Variants in INPP4B observed in about 807,000 individuals in gnomAD.
INPP4B encodes inositol polyphosphate-4-phosphatase type II B, also known as inositol polyphosphate 4-phosphatase type II.
Under a neutral mutation model 122.5 loss-of-function variants are expected in INPP4B, and 55 were observed. The observed-to-expected ratio is 0.45, with a 90% confidence interval of 0.36 to 0.56. The LOEUF is 0.56. Ranked by LOEUF, INPP4B falls within the 20% of genes least tolerant of loss-of-function variation. The pLI, the probability that INPP4B is intolerant of heterozygous loss-of-function variation, is 0.00. For synonymous variants in INPP4B, 403 were observed against 388.7 expected (o/e 1.04, Z -0.43); for missense variants, 1,000 against 1,097.7 (o/e 0.91, Z 1.26).
In INPP4B at chr4:142,200,223, C is replaced by T. The variant is rs558778764; in HGVS notation, c.1073-7028G>A. 1.4e-3 allele frequency among the ~76,000 whole-genome samples: 208 copies of T among 151,798 alleles called. 1 individual carries two copies. The highest frequency in any genetic ancestry group is 4.5e-3 in the African/African-American group (185 of 41,440). ...TTGTGCCAACTTTGTGTTTTGGGAGCGCCTTAAGGTTGGCTGTTGTGCCCT... is the reference window on the plus strand; with the variant it reads ...TTGTGCCAACTTTGTGTTTTGGGAGTGCCTTAAGGTTGGCTGTTGTGCCCT... On this transcript the variant is annotated intron_variant, in intron 14 of 25. Transcript: ENST00000262992.
At chr4:142,615,642 C>A (rs935027642) in intron 2 of INPP4B, among the ~76,000 whole-genome samples, 5 of 151,934 alleles carry the variant, frequency 3.3e-5, no homozygotes, top group African/African-American at 9.7e-5. Context: ...TTTATTAATG[C>A]GAGTCAGTTG....
intron 2 of INPP4B, among the ~76,000 whole-genome samples, chr4:142,558,844 T>TTCACC (rs1729838428): frequency 6.9e-6 from 1 of 144,034 alleles, no homozygotes; most frequent in Non-Finnish European, 1.5e-5. Flanking sequence ...TTTTTGAAGC[T>TTCACC]TCATCAGGAG....
chr4:142,216,568 A>G (rs1006475765), intron 12 of INPP4B, among the ~76,000 whole-genome samples: 1 of 152,322 alleles, frequency 6.6e-6, no homozygotes, highest in African/African-American at 2.4e-5. Context: ...ATTCATACAG[A>G]TCTCTGGAAA....
At chr4:142,746,492 T>A (rs917394588) in intron 1 of INPP4B, among the ~76,000 whole-genome samples, 1 of 152,104 alleles carries the variant, frequency 6.6e-6, no homozygotes, top group African/African-American at 2.4e-5. Context: ...AAGCTACCAA[T>A]GACTTTCTTC....
At chr4:142,222,455 A>T (rs962941052) in intron 12 of INPP4B, among the ~76,000 whole-genome samples, 1 of 152,174 alleles carries the variant, frequency 6.6e-6, no homozygotes, top group Non-Finnish European at 1.5e-5. Context: ...AAGCCTAGGC[A>T]CCCATAGTAT....
At chr4:142,614,212 ACT>A (rs1404793980) in intron 2 of INPP4B, among the ~76,000 whole-genome samples, 1 of 152,074 alleles carries the variant, frequency 6.6e-6, no homozygotes, top group Non-Finnish European at 1.5e-5. Flanking sequence ...ACAGAGCAAG[ACT>A]CTGTCTCAAA....
At chr4:142,376,295 A>G (rs995976999) in intron 7 of INPP4B, among the ~76,000 whole-genome samples, 1 of 151,984 alleles carries the variant, frequency 6.6e-6, no homozygotes, top group African/African-American at 2.4e-5. Context: ...ATCCTGGGAT[A>G]AGATCTCATG....
At chr4:142,438,825 A>T (rs1811095884) in intron 3 of INPP4B, among the ~76,000 whole-genome samples, 1 of 152,210 alleles carries the variant, frequency 6.6e-6, no homozygotes, top group Admixed American at 6.5e-5. Context: ...TAATTTTCAG[A>T]ATTTACAAGG....
At chr4:142,384,052 CA>C in intron 7 of INPP4B, 1 of 701,440 alleles carries the variant, frequency 1.4e-6, no homozygotes, top group South Asian at 1.5e-5. Context: ...CAAGTTGTCT[CA>C]AGTTGTCTCA....
chr4:142,321,125 A>T (rs762607106), intron 7 of INPP4B, among the ~76,000 whole-genome samples: 1 of 152,112 alleles, frequency 6.6e-6, no homozygotes, highest in Non-Finnish European at 1.5e-5. Context: ...CCACACCAAC[A>T]TCTATTATTT....
At chr4:142,841,648 C>T (rs529548973) in intron 1 of INPP4B, among the ~76,000 whole-genome samples, 3 of 151,992 alleles carry the variant, frequency 2.0e-5, no homozygotes, top group African/African-American at 7.2e-5. Context: ...AAAACTCACA[C>T]TCTCTTTTGA....
intron 1 of INPP4B, among the ~76,000 whole-genome samples, chr4:142,842,666 A>C (rs1783652799): frequency 7.5e-6 from 1 of 133,250 alleles, no homozygotes; most frequent in South Asian, 2.1e-4. Context: ...AATATATAAC[A>C]TAATATAATA....
rs1293047562 is a variant in INPP4B at position 142,061,883 on chromosome 4, CACATATATATATATATAT to C, written c.2642+20130_2642+20147del. ...ATATATGTACACACACACACACACA[CACATATATATATATATAT>C]ATATATATATATATATATATATATA... On this transcript the variant is annotated intron_variant, in intron 25 of 25. Transcript: ENST00000262992. 4.6e-3 allele frequency among the ~76,000 whole-genome samples: 54 copies of C among 11,614 alleles called. 1 individual carries two copies. Among genetic ancestry groups the C allele is most frequent in the Admixed American group, 7.6e-3 (5 of 662 alleles). 7.6% of individuals were successfully genotyped at this position (11,614 alleles called of 152,430 possible). A position where few individuals can be genotyped will look rare whatever the true frequency, so the allele number is the denominator to read the frequency against.
At chr4:142,656,990 C>T (rs1159066546) in intron 2 of INPP4B, among the ~76,000 whole-genome samples, 2 of 152,254 alleles carry the variant, frequency 1.3e-5, no homozygotes, top group South Asian at 4.1e-4. Flanking sequence ...GGGGGCATGG[C>T]CAGTAGCCAC....
chr4:142,173,144 C>A (rs1459903543), intron 16 of INPP4B, among the ~76,000 whole-genome samples: 1 of 151,782 alleles, frequency 6.6e-6, no homozygotes, highest in Non-Finnish European at 1.5e-5. Flanking sequence ...TGGAACCTCT[C>A]CTCGGTAAAT....
chr4:142,680,996 T>C (rs1207961695), intron 2 of INPP4B, among the ~76,000 whole-genome samples: 1 of 151,818 alleles, frequency 6.6e-6, no homozygotes, highest in Non-Finnish European at 1.5e-5. Flanking sequence ...TTCAATAAAT[T>C]CTCTTGAGGA....
At chr4:142,129,555 T>TAGG (rs1800255960) in intron 18 of INPP4B, among the ~76,000 whole-genome samples, 1 of 152,098 alleles carries the variant, frequency 6.6e-6, no homozygotes, top group Non-Finnish European at 1.5e-5. Flanking sequence ...CATCTGCCCA[T>TAGG]AGGAGGCCTC....
At chr4:142,186,950 T>C (rs550471856) in intron 15 of INPP4B, among the ~76,000 whole-genome samples, 15 of 152,264 alleles carry the variant, frequency 9.9e-5, no homozygotes, top group African/African-American at 2.9e-4. Flanking sequence ...TGGTGTTATA[T>C]ACAAGGAGTT....
At chr4:142,062,619 C>A (rs981877084) in intron 25 of INPP4B, among the ~76,000 whole-genome samples, 1 of 151,858 alleles carries the variant, frequency 6.6e-6, no homozygotes, top group Non-Finnish European at 1.5e-5. Context: ...ACCTGTAGTC[C>A]CAGCTACTTG....
Sources: gnomAD v4.1 joint callset for allele counts (sites outside exome capture counted in the v4.1 genomes callset) on GRCh38, gnomAD v4.1.1 for gene constraint, MANE v1.5 for transcripts, NCBI Gene and HGNC (gene_info 2026-07-23, HGNC 2026-07-21) for gene names.